SLC66A2: variants seen among roughly 807,000 people sequenced by gnomAD.
SLC66A2 encodes solute carrier family 66 member 2, also known as PQ loop repeat containing 1.
Under a neutral mutation model 25.5 loss-of-function variants are expected in SLC66A2, and 23 were observed. The observed-to-expected ratio is 0.90, with a 90% CI of 0.65 to 1.28. The LOEUF (loss-of-function observed/expected upper bound fraction) is 1.28, where lower values mean the gene tolerates loss of function less well. SLC66A2 is among the 50% of genes most tolerant of loss of function. The pLI, the probability that SLC66A2 is intolerant of heterozygous loss-of-function variation, is 0.00. For synonymous variants in SLC66A2, 193 were observed against 166.5 expected (o/e 1.16, Z -1.23); for missense variants, 396 against 373.1 (o/e 1.06, Z -0.51).
At chr18:79,951,408 AGGGGGCGCAGGCCCAGGAT>A (rs1486438237) in intron 1 of SLC66A2, among the ~76,000 whole-genome samples, 154 bp downstream of exon 1, 1 of 91,794 alleles carries the variant, frequency 1.1e-5, no homozygotes, top group African/African-American at 4.3e-5. Context: ...GCTCGGGGGA[AGGGGGCGCAGGCCCAGGAT>A]GGGGGCGCAC....
At chr18:79,935,343 A>G (rs1263192075) in intron 3 of SLC66A2, 1 of 152,284 alleles carries the variant, frequency 6.6e-6, no homozygotes, top group Non-Finnish European at 1.5e-5. Flanking sequence ...CCTGGAAAGC[A>G]GTGTGATCAG....
intron 3 of SLC66A2, among the ~76,000 whole-genome samples, chr18:79,935,041 T>G (rs1206884345): frequency 2.6e-5 from 4 of 152,038 alleles, no homozygotes; most frequent in Non-Finnish European, 5.9e-5. Flanking sequence ...TCTTGGATTC[T>G]ATGGGTCCCT....
chr18:79,931,167 G>A (rs1196706233), intron 4 of SLC66A2, among the ~76,000 whole-genome samples: 1 of 152,148 alleles, frequency 6.6e-6, no homozygotes, highest in African/African-American at 2.4e-5. Context: ...AGGGGAAAAG[G>A]CATAGGATAT....
intron 3 of SLC66A2, among the ~76,000 whole-genome samples, chr18:79,934,638 C>A (rs1034798003): frequency 1.4e-4 from 22 of 152,222 alleles, no homozygotes; most frequent in Non-Finnish European, 2.8e-4. Context: ...ACCTTCCTAT[C>A]TGCGCAGCCC....
At position 79,919,328 on chromosome 18, in the gene SLC66A2, C is replaced by T. The variant is rs757953021; in HGVS notation, c.464G>A (p.Gly155Asp). Residue 155 changes from glycine (G) to aspartate (D), a missense_variant, in exon 5 of 6, where the codon GGC becomes GAC. Transcript: ENST00000397778. ...CAGGTAGGTGATGTAGCCCGCCACG[C>T]CCGTGAAGGCCAGGACGCACTGCAC... ...DYVQCVLAFT[G>D]VAGYITYLSI... 1 of 1,613,300 alleles carries T rather than the reference C, an allele frequency of 6.2e-7. No individual in the cohort carries two copies. Among genetic ancestry groups the T allele is most frequent in the Non-Finnish European group, 8.5e-7 (1 of 1,180,024 alleles).
chr18:79,939,083 A>G (rs1191431234), intron 3 of SLC66A2, among the ~76,000 whole-genome samples: 1 of 152,006 alleles, frequency 6.6e-6, no homozygotes, highest in Non-Finnish European at 1.5e-5. Flanking sequence ...TAAGTAACCT[A>G]CTCTTTCTTA....
intron 4 of SLC66A2, chr18:79,930,216 T>TC (rs1986423550): frequency 1.3e-5 from 2 of 152,108 alleles, no homozygotes; most frequent in Admixed American, 6.6e-5. Flanking sequence ...AGAAAAATAA[T>TC]TTATCACTTA....
At position 79,919,615 on chromosome 18, in the gene SLC66A2, TG is replaced by T. The variant is rs74199240; in HGVS notation, c.392-216del. Among the ~76,000 whole-genome samples the T allele has an allele frequency of 7.4e-3, 23 of 3,104 alleles. 8 individuals are homozygous for T. In the Non-Finnish European group the frequency reaches 0.25, roughly 34 times the overall value. The allele number at this position is 3,104 out of a possible 152,430, so 2.0% of individuals were successfully genotyped here. On this transcript the variant is annotated intron_variant, in intron 4 of 5. Transcript: ENST00000397778. ...GAACCGAGGGAGAGGTCAAGGTCAG[TG>T]GAGGAGAGACAGGAACCGAGGGAGA...
chr18:79,913,473 A>C (rs1407963569), intron 5 of SLC66A2, among the ~76,000 whole-genome samples: 1 of 152,258 alleles, frequency 6.6e-6, no homozygotes, highest in African/African-American at 2.4e-5. Flanking sequence ...CTGAAGCTTT[A>C]TCACATCTCA....
chr18:79,916,994 G>A (rs969177655), intron 5 of SLC66A2, among the ~76,000 whole-genome samples: 9 of 152,266 alleles, frequency 5.9e-5, no homozygotes, highest in African/African-American at 2.2e-4. Flanking sequence ...CCGACTGCCT[G>A]CTCGGTGCTG....
chr18:79,933,100 A>T (rs759472112), intron 4 of SLC66A2, among the ~76,000 whole-genome samples: 8 of 152,236 alleles, frequency 5.3e-5, no homozygotes, highest in Non-Finnish European at 8.8e-5. Flanking sequence ...GTTAGACACC[A>T]TGACCACATG....
chr18:79,950,828 G>T lies in SLC66A2; in HGVS notation c.99C>A (p.Tyr33Ter). ...AAMVFGGVVP[Y>*]VPQYRDIRRT... ...TGCGAATGTCCCGATACTGCGGGAC[G>T]TAGGGCACCACCCCTCCGAAGACCA... Residue 33 changes from tyrosine to a stop codon, truncating the protein, a stop_gained, in exon 2 of 6, where the codon TAC (tyrosine) becomes TAA (stop). Coordinates refer to ENST00000397778, the MANE Select transcript of SLC66A2 (RefSeq NM_025078.5). LOFTEE classifies it high-confidence loss of function. 1 of 1,612,614 alleles carries T rather than the reference G, an allele frequency of 6.2e-7. No individual in the cohort carries two copies.
intron 4 of SLC66A2, among the ~76,000 whole-genome samples, chr18:79,932,625 G>C (rs972908726): frequency 1.3e-5 from 2 of 152,090 alleles, no homozygotes; most frequent in African/African-American, 4.8e-5. Context: ...AGGAATAAAA[G>C]AGGAACCATT....
At chr18:79,934,620 A>G (rs1327180618) in intron 3 of SLC66A2, among the ~76,000 whole-genome samples, 1 of 152,238 alleles carries the variant, frequency 6.6e-6, no homozygotes, top group Non-Finnish European at 1.5e-5. Flanking sequence ...ATGACAGGTT[A>G]TAAGTCAACC....
intron 5 of SLC66A2, among the ~76,000 whole-genome samples, chr18:79,913,995 G>GC (rs575738187): frequency 1.1e-4 from 17 of 152,080 alleles, no homozygotes; most frequent in Non-Finnish European, 2.2e-4. Flanking sequence ...TGCAACCTCC[G>GC]CCCCCCAGGT....
At chr18:79,913,215 T>G (rs779235586) in intron 5 of SLC66A2, among the ~76,000 whole-genome samples, 5 of 152,052 alleles carry the variant, frequency 3.3e-5, no homozygotes, top group Non-Finnish European at 7.4e-5. Flanking sequence ...TCACACACTG[T>G]CGGGGTCCAC....
At chr18:79,933,927 A>C (rs1261532619) in intron 4 of SLC66A2, 42 bp downstream of exon 4, 2 of 1,573,810 alleles carry the variant, frequency 1.3e-6, no homozygotes, top group Admixed American at 3.6e-5. Flanking sequence ...GGAATGAAGC[A>C]AAAGGAACGT....
chr18:79,943,479 G>GTT lies in SLC66A2; in HGVS notation c.204-18_204-17insAA. On this transcript the variant is annotated splice_polypyrimidine_tract_variant and intron_variant, in intron 2 of 5. Transcript: ENST00000397778. ...CTTCCAAACCTGCGGGAGAGACACT[G>GTT]TGTCAGGAGGGAGGTCCACCCATGC... is the stretch of plus-strand genomic sequence containing the variant. The GTT allele has an allele frequency of 1.2e-6, 2 of 1,610,616 alleles. No homozygotes were observed. Among genetic ancestry groups the GTT allele is most frequent in the Non-Finnish European group, 1.7e-6 (2 of 1,177,650 alleles).
intron 2 of SLC66A2, among the ~76,000 whole-genome samples, chr18:79,947,732 G>A (rs952100535): frequency 2.0e-5 from 3 of 150,860 alleles, no homozygotes; most frequent in South Asian, 2.1e-4. Context: ...TGCATCCCGC[G>A]TGTCACTTCT....
Sources: allele counts gnomAD v4.1 joint callset (sites outside exome capture counted in the v4.1 genomes callset), GRCh38; gene constraint gnomAD v4.1.1; transcripts MANE v1.5; gene names NCBI Gene and HGNC (gene_info 2026-07-23, HGNC 2026-07-21).